Variants in PON3 observed in about 807,000 individuals in gnomAD.
The protein encoded by PON3 is paraoxonase 3.
PON3 carries 37 observed loss-of-function variants against 36.3 expected under a neutral mutation model. That is an observed-to-expected ratio of 1.02 (90% CI 0.78 to 1.34). PON3 has a LOEUF of 1.34. PON3 is among the 40% of genes most tolerant of loss of function. PON3 has a pLI of 0.00. For synonymous variants in PON3, 155 were observed against 154.8 expected, an observed-to-expected ratio of 1.00 and a Z score of -0.01; for missense variants, 415 against 426.5, an observed-to-expected ratio of 0.97 and a Z score of 0.24.
Position 95,360,010 on chromosome 7 carries a change from C to A in PON3, c.1028G>T (p.Gly343Val). ...ASVYHGKILI[G>V]TVFHKTLYCE... ...GTACAGAGTTTTGTGAAATACGGTGCCTATGAGAATTTTCCCATGGTACAC... is the reference window on the plus strand; with the variant it reads ...GTACAGAGTTTTGTGAAATACGGTGACTATGAGAATTTTCCCATGGTACAC... Residue 343 changes from glycine to valine, a missense_variant, in exon 9 of 9, where the codon GGC becomes GTC. Coordinates refer to ENST00000265627, the MANE Select transcript of PON3 (RefSeq NM_000940.3). 1 of 1,612,860 alleles carries A rather than the reference C, an allele frequency of 6.2e-7. No homozygotes were observed. Among genetic ancestry groups the A allele is most frequent in the Non-Finnish European group, 8.5e-7 (1 of 1,179,736 alleles).
chr7:95,396,334 G>A lies in PON3; in HGVS notation c.17C>T (p.Ala6Val), dbSNP rs749809089. 1.6e-5 allele frequency: 26 copies of A among 1,613,854 alleles called. No homozygotes were observed. Among genetic ancestry groups the A allele is most frequent in the Non-Finnish European group, 2.1e-5 (25 of 1,179,970 alleles). Residue 6 changes from alanine to valine, a missense_variant, in exon 1 of 9, where the codon GCG (alanine) becomes GTG (valine). Ala to Val is a moderately conservative substitution (Grantham distance 64, BLOSUM62 0). Coordinates refer to ENST00000265627, the MANE Select transcript of PON3 (RefSeq NM_000940.3). ...CAGGCCGACCCCCAGCAGGACCAGCGCCACGAGCTTCCCCATGGTCTCGGG... is the reference window on the plus strand; with the variant it reads ...CAGGCCGACCCCCAGCAGGACCAGCACCACGAGCTTCCCCATGGTCTCGGG... MGKLV[A>V]LVLLGVGLSL...
chr7:95,390,862 A>T (rs1323821341), intron 2 of PON3, among the ~76,000 whole-genome samples: 1 of 152,154 alleles, frequency 6.6e-6, no homozygotes, highest in East Asian at 1.9e-4. Context: ...AGGAGCTGTC[A>T]CCTACACTAC....
Position 95,380,967 on chromosome 7 carries a change from C to T in PON3, c.202-8629G>A, listed in dbSNP as rs55916916. ...CAGCCAGAGAGAAAGGTCCAGTTAC[C>T]GACAAAGGGAAGCCCATCAGACTAA... On this transcript the variant is annotated intron_variant, in intron 3 of 8. Coordinates refer to ENST00000265627, the MANE Select transcript of PON3 (RefSeq NM_000940.3). Among the ~76,000 whole-genome samples, 926 of 152,184 alleles carry T rather than the reference C, an allele frequency of 6.1e-3. 6 individuals are homozygous for T. The highest frequency in any genetic ancestry group is 0.021 in the African/African-American group (859 of 41,508).
intron 2 of PON3, 55 bp from the exon 3 acceptor site, chr7:95,390,264 G>T (rs556534409): frequency 1.4e-5 from 18 of 1,319,912 alleles, no homozygotes; most frequent in Non-Finnish European, 1.1e-6. Context: ...TAAAAAATAC[G>T]TCTCACAGTC....
At chr7:95,369,467 AT>A (rs1285367181) in intron 4 of PON3, among the ~76,000 whole-genome samples, 1 of 152,136 alleles carries the variant, frequency 6.6e-6, no homozygotes, top group African/African-American at 2.4e-5. Context: ...ATCCTTTAAC[AT>A]TTAAAAAAAA....
At chr7:95,364,545 T>C (rs978973806) in intron 5 of PON3, 3 of 229,064 alleles carry the variant, frequency 1.3e-5, no homozygotes, top group East Asian at 2.2e-4. Flanking sequence ...TGCTTCACCA[T>C]GTTTCCCTCA....
chr7:95,390,143 A>G lies in PON3; in HGVS notation c.201+11T>C, dbSNP rs756693424. On this transcript the variant is annotated intron_variant, in intron 3 of 8. Coordinates refer to ENST00000265627, the MANE Select transcript of PON3 (RefSeq NM_000940.3). ...TGATGTGAGCATGAGAGCAGCATGGAAAATACTCACACTGGAGATAAAAGC... is the reference window on the plus strand; with the variant it reads ...TGATGTGAGCATGAGAGCAGCATGGGAAATACTCACACTGGAGATAAAAGC... 6.3e-7 allele frequency: 1 copy of G among 1,597,334 alleles called. No individual in the cohort carries two copies. The highest frequency in any genetic ancestry group is 1.7e-5 in the Admixed American group (1 of 60,014).
chr7:95,378,715 T>C (rs1808975808), intron 3 of PON3, among the ~76,000 whole-genome samples: 2 of 152,164 alleles, frequency 1.3e-5, no homozygotes, highest in African/African-American at 4.8e-5. Context: ...AGAGATTCTG[T>C]CACTGCCAGG....
At chr7:95,364,661 A>C (rs1481472707) in intron 5 of PON3, 1 of 159,704 alleles carries the variant, frequency 6.3e-6, no homozygotes, top group East Asian at 1.8e-4. Context: ...CCTACACTGG[A>C]TACATAGCAT....
chr7:95,378,099 T>A (rs1474454002), intron 3 of PON3, among the ~76,000 whole-genome samples: 1 of 152,168 alleles, frequency 6.6e-6, no homozygotes. Context: ...GCATGAGAAC[T>A]TCCTCATGCA....
chr7:95,381,818 T>G (rs557778642), intron 3 of PON3, among the ~76,000 whole-genome samples: 53 of 152,142 alleles, frequency 3.5e-4, no homozygotes, highest in African/African-American at 1.3e-3. Flanking sequence ...AAAAAGGATA[T>G]CCAGGAATTG....
At chr7:95,387,024 A>G (rs1221686698) in intron 3 of PON3, among the ~76,000 whole-genome samples, 1 of 152,208 alleles carries the variant, frequency 6.6e-6, no homozygotes, top group Non-Finnish European at 1.5e-5. Context: ...TCCACAGCCA[A>G]TATCATACTG....
At chr7:95,360,851 C>CT (rs554950079) in intron 8 of PON3, among the ~76,000 whole-genome samples, 9 of 151,864 alleles carry the variant, frequency 5.9e-5, no homozygotes, top group East Asian at 1.9e-4. Context: ...AGAGTTTGTT[C>CT]TTTTTTTTAT....
At chr7:95,365,758 A>C (rs1808676155) in intron 5 of PON3, 1 of 152,138 alleles carries the variant, frequency 6.6e-6, no homozygotes, top group African/African-American at 2.4e-5. Flanking sequence ...CTAGGGAAGG[A>C]TCCTTCCTTG....
At chr7:95,377,158 CTG>C (rs1808936537) in intron 3 of PON3, among the ~76,000 whole-genome samples, 1 of 152,222 alleles carries the variant, frequency 6.6e-6, no homozygotes, top group African/African-American at 2.4e-5. Flanking sequence ...GCACAGCAGT[CTG>C]AGATCAACCT....
At chr7:95,385,596 C>A (rs1809171308) in intron 3 of PON3, among the ~76,000 whole-genome samples, 1 of 152,098 alleles carries the variant, frequency 6.6e-6, no homozygotes, top group African/African-American at 2.4e-5. Context: ...AACTCTTCAC[C>A]CCAAAACAAC....
At chr7:95,378,399 G>A (rs1329607483) in intron 3 of PON3, among the ~76,000 whole-genome samples, 2 of 152,160 alleles carry the variant, frequency 1.3e-5, no homozygotes, top group Non-Finnish European at 2.9e-5. Flanking sequence ...AGGAAATAAA[G>A]AGAACACCAC....
intron 3 of PON3, among the ~76,000 whole-genome samples, chr7:95,376,771 A>C (rs17878619): frequency 0.057 from 8,678 of 152,252 alleles, 818 homozygotes; most frequent in African/African-American, 0.2. Context: ...TTAAACTGAA[A>C]GGAAGCTTCC....
At chr7:95,387,816 A>G (rs922724375) in intron 3 of PON3, among the ~76,000 whole-genome samples, 1 of 152,344 alleles carries the variant, frequency 6.6e-6, no homozygotes, top group Middle Eastern at 3.4e-3. Flanking sequence ...CAGAAGCCTC[A>G]GAAATAACAC....
Sources: allele counts gnomAD v4.1 joint callset (sites outside exome capture counted in the v4.1 genomes callset), GRCh38; gene constraint gnomAD v4.1.1; transcripts MANE v1.5; gene names NCBI Gene and HGNC (gene_info 2026-07-23, HGNC 2026-07-21).